The following C2orf42 variants were observed in gnomAD, a reference collection of about 807,000 sequenced individuals.
C2orf42 encodes chromosome 2 open reading frame 42, also known as uncharacterized protein C2orf42.
A neutral mutation model predicts 58.9 loss-of-function variants in C2orf42; 44 were observed. The ratio of observed to expected loss-of-function variants is 0.75; its 90% CI spans 0.59 to 0.96. The LOEUF (loss-of-function observed/expected upper bound fraction) is 0.96, where lower values mean the gene tolerates loss of function less well. C2orf42 is among the 40% of genes least tolerant of loss of function. The probability of loss-of-function intolerance (pLI) is 0.00; values close to 1 mark genes in which losing one functional copy is unlikely to be tolerated. For missense variants in C2orf42, 630 were observed against 699.2 expected (o/e 0.90, Z 1.12); for synonymous variants, 239 against 265.4 (o/e 0.90, Z 0.97).
chr2:70,187,025 G>A (rs1462580461), intron 1 of C2orf42, among the ~76,000 whole-genome samples: 2 of 151,954 alleles, frequency 1.3e-5, no homozygotes, highest in Non-Finnish European at 2.9e-5. Context: ...AGTGGGTGCA[G>A]CACACCAGCA....
intron 4 of C2orf42, 92 bp from the exon 5 acceptor site, chr2:70,175,869 T>A: frequency 2.4e-6 from 2 of 817,834 alleles, no homozygotes; most frequent in Non-Finnish European, 4.2e-6. Flanking sequence ...ATATAAACAG[T>A]CTTTGCTAAT....
At chr2:70,180,358 A>G (rs576573868) in intron 3 of C2orf42, among the ~76,000 whole-genome samples, 38 of 151,944 alleles carry the variant, frequency 2.5e-4, no homozygotes, top group African/African-American at 8.2e-4. Flanking sequence ...CTGTAATCCC[A>G]GTACTTTGGG....
chr2:70,183,118 A>G (rs1674686343), intron 1 of C2orf42, among the ~76,000 whole-genome samples, 183 bp from the exon 2 acceptor site: 1 of 152,148 alleles, frequency 6.6e-6, no homozygotes, highest in Non-Finnish European at 1.5e-5. Context: ...AAAAGGTGCT[A>G]ATGTCATTAC....
At chr2:70,171,791 T>A (rs951936107) in intron 5 of C2orf42, among the ~76,000 whole-genome samples, 2 of 151,624 alleles carry the variant, frequency 1.3e-5, no homozygotes, top group African/African-American at 4.8e-5. Context: ...ATTACAGGCA[T>A]GAGCCACTGC....
intron 8 of C2orf42, among the ~76,000 whole-genome samples, chr2:70,162,012 T>C (rs1673081858): frequency 6.6e-6 from 1 of 151,712 alleles, no homozygotes; most frequent in Non-Finnish European, 1.5e-5. Context: ...TCACTTTTTC[T>C]TTTTTTCTTT....
chr2:70,163,481 G>A (rs1039067607), intron 8 of C2orf42, among the ~76,000 whole-genome samples: 4 of 151,314 alleles, frequency 2.6e-5, no homozygotes, highest in Non-Finnish European at 4.4e-5. Flanking sequence ...TCCTGACCTC[G>A]TGATCCACCC....
intron 7 of C2orf42, 87 bp downstream of exon 7, chr2:70,165,441 C>T: frequency 1.3e-6 from 1 of 793,562 alleles, no homozygotes; most frequent in Admixed American, 2.0e-5. Context: ...TCTGAATACT[C>T]ACGGTGAATA....
At chr2:70,162,082 G>A (rs1673085335) in intron 8 of C2orf42, among the ~76,000 whole-genome samples, 1 of 151,560 alleles carries the variant, frequency 6.6e-6, no homozygotes, top group Non-Finnish European at 1.5e-5. Flanking sequence ...CACGATCTCA[G>A]TTCACTGCAA....
chr2:70,181,505 C>T lies in C2orf42; in HGVS notation c.481G>A (p.Ala161Thr), dbSNP rs1243365093. The change falls in exon 3 of 10, where the codon GCC becomes ACC. Residue 161 changes from alanine (A) to threonine (T), a missense_variant. Transcript: ENST00000264434. ...ATGGTCTGTTTGGTTTCCGGGGAGG[C>T]CTGCATTGCATTCAGGACCGAGCTC... The part of the protein sequence containing the change: ...LKSSVLNAMQ[A>T]SPETKQTIWQ... 1.2e-6 allele frequency: 2 copies of T among 1,613,482 alleles called. No homozygotes were observed. Among genetic ancestry groups the T allele is most frequent in the Admixed American group, 3.3e-5 (2 of 59,998 alleles).
Position 70,160,660 on chromosome 2 carries a change from A to G in C2orf42, c.1481T>C (p.Leu494Pro), listed in dbSNP as rs780517544. The change falls in exon 9 of 10, where the codon CTG (leucine) becomes CCG (proline). Residue 494 changes from leucine (L) to proline (P), a missense_variant. Leu to Pro is a moderately conservative substitution (Grantham distance 98). Transcript: ENST00000264434. ...TYGRIEKQPV[L>P]RPLELKTFLK... ...AAAAGTTTTTAGTTCCAAGGGTCGC[A>G]GCACTGGTTGTTTTTCTATACGACC... The G allele has an allele frequency of 1.2e-6, 2 of 1,609,632 alleles. No homozygotes were observed. The highest frequency in any genetic ancestry group is 3.4e-5 in the Admixed American group (2 of 58,272).
chr2:70,154,414 T>TAAAAAAAAAAAAAAAAAAAAAA (rs36028499), intron 9 of C2orf42, among the ~76,000 whole-genome samples: 1 of 25,600 alleles, frequency 3.9e-5, no homozygotes, highest in African/African-American at 1.5e-4. Context: ...AAATTTTTAC[T>TAAAAAAAAAAAAAAAAAAAAAA]AAAAAAAAAA....
intron 9 of C2orf42, among the ~76,000 whole-genome samples, chr2:70,151,220 G>T (rs943531593): frequency 3.3e-5 from 5 of 152,156 alleles, no homozygotes; most frequent in Admixed American, 6.6e-5. Context: ...GTGGTGAAAT[G>T]TGCCCATAGT....
intron 8 of C2orf42, among the ~76,000 whole-genome samples, chr2:70,161,058 CAT>C (rs1673025046): frequency 6.6e-6 from 1 of 152,154 alleles, no homozygotes; most frequent in Non-Finnish European, 1.5e-5. Flanking sequence ...TTCATGGGTA[CAT>C]GACTGCTGCT....
chr2:70,153,032 C>CAAA (rs879667551), intron 9 of C2orf42, among the ~76,000 whole-genome samples: 16 of 115,382 alleles, frequency 1.4e-4, no homozygotes, highest in African/African-American at 5.1e-4. Context: ...GACTCCATCT[C>CAAA]AAAAAAAAAA....
intron 5 of C2orf42, among the ~76,000 whole-genome samples, chr2:70,175,396 C>A (rs943052306): frequency 6.6e-6 from 1 of 152,198 alleles, no homozygotes; most frequent in Non-Finnish European, 1.5e-5. Context: ...CTCTATGTGT[C>A]CATGTGTTCT....
chr2:70,157,454 A>AAAACAAAC (rs140409034), intron 9 of C2orf42, among the ~76,000 whole-genome samples: 1 of 150,188 alleles, frequency 6.7e-6, no homozygotes. Context: ...CTCCCGTCTC[A>AAAACAAAC]AAACAAACAA....
intron 3 of C2orf42, among the ~76,000 whole-genome samples, chr2:70,180,007 T>C (rs1674446642): frequency 6.6e-6 from 1 of 152,056 alleles, no homozygotes; most frequent in South Asian, 2.1e-4. Context: ...AATAAGTTCC[T>C]TGGGCCGGGT....
intron 9 of C2orf42, among the ~76,000 whole-genome samples, chr2:70,154,766 TTTTG>T (rs1672552295): frequency 1.3e-5 from 2 of 152,064 alleles, no homozygotes; most frequent in Non-Finnish European, 2.9e-5. Context: ...TTTTGTTTTG[TTTTG>T]TTTGAGACAA....
chr2:70,173,872 G>A (rs542403346), intron 5 of C2orf42, among the ~76,000 whole-genome samples: 1 of 152,062 alleles, frequency 6.6e-6, no homozygotes, highest in Non-Finnish European at 1.5e-5. Flanking sequence ...TTATAGGCGT[G>A]AGCCACCACA....
Sources: allele counts gnomAD v4.1 joint callset (sites outside exome capture counted in the v4.1 genomes callset), GRCh38; gene constraint gnomAD v4.1.1; transcripts MANE v1.5; gene names NCBI Gene and HGNC (gene_info 2026-07-23, HGNC 2026-07-21).